TMPRSS15: variants seen among roughly 807,000 people sequenced by gnomAD.
TMPRSS15 encodes the protein enteropeptidase.
Under a neutral mutation model 125.3 loss-of-function variants are expected in TMPRSS15, and 128 were observed. The observed-to-expected ratio is 1.02, with a 90% CI of 0.89 to 1.18. The LOEUF (loss-of-function observed/expected upper bound fraction) is 1.18, where lower values mean the gene tolerates loss of function less well. Among genes scored for constraint, TMPRSS15 ranks in the 50% most tolerant of loss-of-function variants. The pLI, the probability that TMPRSS15 is intolerant of heterozygous loss-of-function variation, is 0.00. For missense variants in TMPRSS15, 1,283 were observed against 1,212.7 expected (o/e 1.06, Z -0.86); for synonymous variants, 446 against 423.2 (o/e 1.05, Z -0.66).
chr21:18,274,167 TTTAC>T (rs1403276722), intron 24 of TMPRSS15, among the ~76,000 whole-genome samples: 3 of 152,190 alleles, frequency 2.0e-5, no homozygotes, highest in Non-Finnish European at 4.4e-5. Flanking sequence ...AGAAAATTTA[TTTAC>T]TAAGCTTCAT....
Position 18,270,174 on chromosome 21 carries a change from G to A in TMPRSS15, c.2905-50C>T, listed in dbSNP as rs768494272. Reference sequence around the variant, plus strand: ...ATTGTAGATATGTGGTCAATTGATCGAAACATATAAAATTATTTGTATCAA... The same window carrying A: ...ATTGTAGATATGTGGTCAATTGATCAAAACATATAAAATTATTTGTATCAA... On this transcript the variant is annotated intron_variant, in intron 24 of 24. Transcript: ENST00000284885. The A allele has an allele frequency of 2.2e-5, 33 of 1,470,446 alleles. No individual in the cohort carries two copies. In the East Asian group the frequency reaches 3.0e-4, roughly 13 times the overall value. The allele number at this position is 1,470,446 out of a possible 1,614,324, so 91.1% of individuals were successfully genotyped here.
At chr21:18,447,546 T>C (rs1375433162) in intron 1 of TMPRSS15, among the ~76,000 whole-genome samples, 2 of 152,152 alleles carry the variant, frequency 1.3e-5, no homozygotes, top group African/African-American at 4.8e-5. Flanking sequence ...AATTTCATCT[T>C]GAACTGTAGT....
intron 21 of TMPRSS15, among the ~76,000 whole-genome samples, chr21:18,290,090 A>C (rs115951228): frequency 0.014 from 2,149 of 152,326 alleles, 48 homozygotes; most frequent in African/African-American, 0.049. Flanking sequence ...TCCAGACTTC[A>C]GCAAATACAT....
At chr21:18,343,132 G>A (rs1427857015) in intron 12 of TMPRSS15, among the ~76,000 whole-genome samples, 1 of 152,150 alleles carries the variant, frequency 6.6e-6, no homozygotes, top group East Asian at 1.9e-4. Context: ...ATAGAAAAGG[G>A]CAGGGTTGAC....
chr21:18,460,457 C>G (rs1014062448), intron 1 of TMPRSS15: 2 of 151,944 alleles, frequency 1.3e-5, no homozygotes, highest in Admixed American at 1.3e-4. Flanking sequence ...AATATTTTAC[C>G]TAAGTTATTC....
intron 10 of TMPRSS15, among the ~76,000 whole-genome samples, chr21:18,351,855 G>A (rs879566817): frequency 6.6e-6 from 1 of 152,082 alleles, no homozygotes; most frequent in African/African-American, 2.4e-5. Flanking sequence ...AATGGAAGAG[G>A]TGCTTAGAAT....
intron 21 of TMPRSS15, among the ~76,000 whole-genome samples, chr21:18,290,908 G>A (rs1291325399): frequency 6.6e-6 from 1 of 152,160 alleles, no homozygotes; most frequent in Non-Finnish European, 1.5e-5. Flanking sequence ...CAATTGGTGA[G>A]TCTGAGTAAA....
At chr21:18,421,848 T>G (rs1215116334) in intron 1 of TMPRSS15, among the ~76,000 whole-genome samples, 2 of 152,202 alleles carry the variant, frequency 1.3e-5, no homozygotes, top group Admixed American at 6.5e-5. Flanking sequence ...CAACATTCAC[T>G]GCTCTGAGAA....
chr21:18,452,939 T>C (rs1169797079), intron 1 of TMPRSS15, among the ~76,000 whole-genome samples: 1 of 152,170 alleles, frequency 6.6e-6, no homozygotes, highest in Non-Finnish European at 1.5e-5. Flanking sequence ...TTTATTGTTT[T>C]TGTAGTATGA....
intron 1 of TMPRSS15, among the ~76,000 whole-genome samples, chr21:18,402,816 C>T (rs372994194): frequency 3.4e-4 from 51 of 152,204 alleles, no homozygotes; most frequent in African/African-American, 5.3e-4. Context: ...ATCTGTAAAA[C>T]GAGCATACCA....
At position 18,294,664 on chromosome 21, in the gene TMPRSS15, G is replaced by A; in HGVS notation, c.2262-12C>T. On this transcript the variant is annotated splice_polypyrimidine_tract_variant and intron_variant, in intron 19 of 24. Coordinates refer to ENST00000284885, the MANE Select transcript of TMPRSS15 (RefSeq NM_002772.3). Reference sequence around the variant, plus strand: ...GTAAACACTGTTGACTGTAATAGAAGAACAATCATATTTTTAAAATTATGC... The same window carrying A: ...GTAAACACTGTTGACTGTAATAGAAAAACAATCATATTTTTAAAATTATGC... The A allele has an allele frequency of 2.5e-6, 4 of 1,604,494 alleles. No homozygotes were observed. The South Asian group carries it at 3.3e-5, about 13-fold the overall frequency.
intron 3 of TMPRSS15, among the ~76,000 whole-genome samples, chr21:18,388,634 G>A (rs2066310741): frequency 1.3e-5 from 2 of 152,116 alleles, no homozygotes; most frequent in South Asian, 4.1e-4. Flanking sequence ...CTTAAAGGAG[G>A]TTAAAGCCTT....
chr21:18,341,282 G>C (rs2075442933), intron 13 of TMPRSS15, 131 bp downstream of exon 13: 1 of 1,069,584 alleles, frequency 9.3e-7, no homozygotes, highest in Admixed American at 1.8e-5. Flanking sequence ...TAATCCTCAG[G>C]CTGGTCTCAA....
chr21:18,464,806 T>A (rs1410517636), intron 1 of TMPRSS15, among the ~76,000 whole-genome samples: 3 of 152,162 alleles, frequency 2.0e-5, no homozygotes, highest in South Asian at 2.1e-4. Flanking sequence ...ACCAGATGGA[T>A]TCACAGCCAA....
chr21:18,426,599 C>T (rs1038523296), intron 1 of TMPRSS15, among the ~76,000 whole-genome samples: 10 of 152,112 alleles, frequency 6.6e-5, no homozygotes, highest in Non-Finnish European at 1.0e-4. Flanking sequence ...TTGGTCTACG[C>T]TATGTGATAA....
chr21:18,484,535 T>TATTC (rs756445517), intron 1 of TMPRSS15, among the ~76,000 whole-genome samples: 25 of 151,920 alleles, frequency 1.6e-4, no homozygotes, highest in African/African-American at 2.6e-4. Context: ...AAAAAATTTT[T>TATTC]ATTCATTCAT....
intron 19 of TMPRSS15, among the ~76,000 whole-genome samples, chr21:18,296,521 T>A (rs1050597906): frequency 6.6e-6 from 1 of 152,216 alleles, no homozygotes; most frequent in African/African-American, 2.4e-5. Flanking sequence ...TACATTATAA[T>A]AGTGACGTCA....
chr21:18,293,390 G>A (rs76399581), intron 21 of TMPRSS15, among the ~76,000 whole-genome samples: 1,604 of 152,254 alleles, frequency 0.011, 27 homozygotes, highest in African/African-American at 0.037. Flanking sequence ...GCTACAGAGA[G>A]GCTTACTCTA....
At chr21:18,447,345 C>T (rs1165539332) in intron 1 of TMPRSS15, among the ~76,000 whole-genome samples, 1 of 143,064 alleles carries the variant, frequency 7.0e-6, no homozygotes, top group Non-Finnish European at 1.5e-5. Flanking sequence ...GAGGCTGAGA[C>T]AGGAGAATTG....
Sources: gnomAD v4.1 joint callset for allele counts (sites outside exome capture counted in the v4.1 genomes callset) on GRCh38, gnomAD v4.1.1 for gene constraint, MANE v1.5 for transcripts, NCBI Gene and HGNC (gene_info 2026-07-23, HGNC 2026-07-21) for gene names.